Variants in TXLNB observed in about 807,000 individuals in gnomAD.
The protein encoded by TXLNB is taxilin beta.
TXLNB carries 37 observed loss-of-function variants against 57.4 expected under a neutral mutation model. The observed-to-expected ratio is 0.64, with a 90% CI of 0.50 to 0.85. The LOEUF (loss-of-function observed/expected upper bound fraction) is 0.85. Ranked by LOEUF, TXLNB falls within the 40% of genes least tolerant of loss-of-function variation. The pLI, the probability that TXLNB is intolerant of heterozygous loss-of-function variation, is 0.00. For missense variants in TXLNB, 848 were observed against 825.6 expected (o/e 1.03, Z -0.33); for synonymous variants, 302 against 309.6 (o/e 0.98, Z 0.26).
At chr6:139,256,197 C>T (rs1362601104) in intron 6 of TXLNB, among the ~76,000 whole-genome samples, 3 of 152,226 alleles carry the variant, frequency 2.0e-5, no homozygotes, top group African/African-American at 7.2e-5. Context: ...GTATGAATCA[C>T]AAAAAATTCA....
At chr6:139,244,985 G>C (rs2114430729) in intron 8 of TXLNB, among the ~76,000 whole-genome samples, 1 of 152,260 alleles carries the variant, frequency 6.6e-6, no homozygotes, top group Non-Finnish European at 1.5e-5. Context: ...TATCTTTATG[G>C]AGTTCCATGA....
At chr6:139,207,742 A>C in the TXLNB span, among the ~76,000 whole-genome samples, 2,229 of 152,292 alleles carry the variant, frequency 0.015, 38 homozygotes, top group Non-Finnish European at 0.019. Context: ...AGTGAGACTA[A>C]CTGAGAAAAG....
the TXLNB span, chr6:139,178,328 A>G: frequency 2.6e-5 from 4 of 152,170 alleles, no homozygotes; most frequent in Non-Finnish European, 5.9e-5. Flanking sequence ...TAATGCTTTA[A>G]ATAGACTGAC....
intron 7 of TXLNB, among the ~76,000 whole-genome samples, chr6:139,252,908 G>A (rs771023247): frequency 2.6e-5 from 4 of 152,146 alleles, no homozygotes; most frequent in Admixed American, 6.5e-5. Flanking sequence ...GGAGAATGGC[G>A]TGAACCCCGG....
intron 4 of TXLNB, chr6:139,269,231 A>G (rs898274475): frequency 1.5e-4 from 23 of 152,228 alleles, no homozygotes; most frequent in African/African-American, 4.8e-4. Flanking sequence ...AATACTACCC[A>G]AGAAGACCAC....
intron 4 of TXLNB, chr6:139,269,058 A>C (rs1479288215): frequency 6.6e-6 from 1 of 152,088 alleles, no homozygotes; most frequent in East Asian, 1.9e-4. Flanking sequence ...TGCCACACTC[A>C]GCTAATTTTC....
At chr6:139,191,639 A>G in the TXLNB span, among the ~76,000 whole-genome samples, 2 of 152,168 alleles carry the variant, frequency 1.3e-5, no homozygotes, top group African/African-American at 4.8e-5. Context: ...GTTCCTAATT[A>G]TTAGCCCTTA....
intron 8 of TXLNB, among the ~76,000 whole-genome samples, chr6:139,246,123 A>G (rs1207627894): frequency 6.6e-6 from 1 of 152,228 alleles, no homozygotes; most frequent in Non-Finnish European, 1.5e-5. Context: ...TCTCAGGTCA[A>G]CTACTAACGT....
At chr6:139,176,664 G>C in the TXLNB span, among the ~76,000 whole-genome samples, 1 of 152,178 alleles carries the variant, frequency 6.6e-6, no homozygotes, top group Non-Finnish European at 1.5e-5. The surrounding 1 kb of genome is among the most constrained non-coding windows in gnomAD (Gnocchi z 4.5). Flanking sequence ...AAAATCCAGG[G>C]GGAGGGGTTT....
chr6:139,262,070 A>G (rs548320566), intron 5 of TXLNB, among the ~76,000 whole-genome samples: 148 of 150,376 alleles, frequency 9.8e-4, no homozygotes, highest in African/African-American at 3.4e-3. Context: ...CGCCTGGCTA[A>G]TTTTTTTTTG....
chr6:139,184,947 A>AAGTT, the TXLNB span, among the ~76,000 whole-genome samples: 1 of 152,186 alleles, frequency 6.6e-6, no homozygotes, highest in African/African-American at 2.4e-5. Context: ...GCAGTATTCT[A>AAGTT]AGTTACTGCC....
At chr6:139,175,532 C>T in the TXLNB span, among the ~76,000 whole-genome samples, 4 of 152,026 alleles carry the variant, frequency 2.6e-5, no homozygotes, top group African/African-American at 7.2e-5. Context: ...ACACACACAC[C>T]GTGGAGGATT....
At chr6:139,257,413 T>C (rs752243355) in intron 6 of TXLNB, among the ~76,000 whole-genome samples, 1 of 152,218 alleles carries the variant, frequency 6.6e-6, no homozygotes, top group Non-Finnish European at 1.5e-5. Flanking sequence ...TTATATTTCA[T>C]CAGTTTATGT....
At chr6:139,237,827 A>G (rs1775853980), downstream of TXLNB, among the ~76,000 whole-genome samples, 1 of 152,168 alleles carries the variant, frequency 6.6e-6, no homozygotes, top group Non-Finnish European at 1.5e-5. Flanking sequence ...TGTTGGTATG[A>G]ATAGAAATCC....
chr6:139,301,520 G>C, the TXLNB span, among the ~76,000 whole-genome samples: 120 of 152,268 alleles, frequency 7.9e-4, no homozygotes, highest in African/African-American at 2.6e-3. Flanking sequence ...AGAACTGCCA[G>C]GAAATCTTCT....
intron 2 of TXLNB, among the ~76,000 whole-genome samples, chr6:139,281,198 A>T (rs9495411): frequency 0.3 from 45,603 of 151,920 alleles, 7,061 homozygotes; most frequent in African/African-American, 0.38. Flanking sequence ...TCACAACTAA[A>T]ATAGCTTTCA....
chr6:139,284,499 G>T lies in TXLNB; in HGVS notation c.424+3977C>A, dbSNP rs761473109. ...GCCGAAATCGCGCCACTGCACTCCA[G>T]CCTGGCAACAGAGTGAGACTCTGTC... On this transcript the variant is annotated intron_variant, in intron 2 of 9. Transcript: ENST00000358430. Among the ~76,000 whole-genome samples the T allele has an allele frequency of 6.9e-5, 10 of 145,206 alleles. 1 individual carries two copies. Among genetic ancestry groups the T allele is most frequent in the Non-Finnish European group, 1.5e-4 (10 of 65,288 alleles).
intron 2 of TXLNB, among the ~76,000 whole-genome samples, chr6:139,279,735 C>T (rs955427822): frequency 2.0e-5 from 3 of 149,144 alleles, no homozygotes; most frequent in African/African-American, 5.2e-5. Flanking sequence ...TATTCAGGGA[C>T]GCTTTATCAG....
At chr6:139,225,053 T>C in the TXLNB span, among the ~76,000 whole-genome samples, 13 of 152,158 alleles carry the variant, frequency 8.5e-5, no homozygotes, top group Admixed American at 1.3e-4. Context: ...TCAATCACTG[T>C]AACCCACCTT....
Sources: gnomAD v4.1 joint callset for allele counts (sites outside exome capture counted in the v4.1 genomes callset) on GRCh38, gnomAD v4.1.1 for gene constraint, Gnocchi (gnomAD v3.1) non-coding constraint, MANE v1.5 for transcripts, NCBI Gene and HGNC (gene_info 2026-07-23, HGNC 2026-07-21) for gene names.